SLC10A7: variants seen among roughly 807,000 people sequenced by gnomAD.
SLC10A7 encodes solute carrier family 10 member 7.
In SLC10A7, 29 loss-of-function variants were observed where a neutral mutation model predicts 43.2. That is an observed-to-expected ratio of 0.67 (90% CI 0.50 to 0.92). SLC10A7 has a LOEUF of 0.92. SLC10A7 is among the 40% of genes least tolerant of loss of function. The pLI, the probability that SLC10A7 is intolerant of heterozygous loss-of-function variation, is 0.00. For missense variants in SLC10A7, 295 were observed against 403.2 expected (o/e 0.73, Z 2.30); for synonymous variants, 152 against 144.8 (o/e 1.05, Z -0.35).
intron 5 of SLC10A7, among the ~76,000 whole-genome samples, chr4:146,331,711 T>C (rs1733549215): frequency 6.6e-6 from 1 of 152,176 alleles, no homozygotes; most frequent in South Asian, 2.1e-4. Flanking sequence ...AATGGAAATA[T>C]CATTTTAAAA....
intron 5 of SLC10A7, among the ~76,000 whole-genome samples, chr4:146,424,940 A>T (rs1418121558): frequency 6.6e-6 from 1 of 152,200 alleles, no homozygotes; most frequent in African/African-American, 2.4e-5. Flanking sequence ...TGTCATAATT[A>T]TGTAAATTTT....
intron 3 of SLC10A7, among the ~76,000 whole-genome samples, chr4:146,505,693 G>A (rs1374386921): frequency 1.3e-5 from 2 of 152,100 alleles, no homozygotes; most frequent in Non-Finnish European, 2.9e-5. Context: ...CATTTAATAT[G>A]GTCTTCTTTC....
intron 2 of SLC10A7, chr4:146,514,491 A>T (rs545338540): frequency 6.6e-6 from 1 of 152,348 alleles, no homozygotes; most frequent in South Asian, 2.1e-4. Context: ...AGAAGTTGTC[A>T]TAAAACTGAA....
chr4:146,450,397 T>C (rs1731478972), intron 4 of SLC10A7, among the ~76,000 whole-genome samples: 1 of 152,164 alleles, frequency 6.6e-6, no homozygotes, highest in South Asian at 2.1e-4. Flanking sequence ...ATCAGGGACT[T>C]GAACATCTGT....
intron 5 of SLC10A7, among the ~76,000 whole-genome samples, chr4:146,333,731 A>G (rs1278790825): frequency 6.6e-6 from 1 of 152,096 alleles, no homozygotes; most frequent in Non-Finnish European, 1.5e-5. Context: ...CTTCACTTCA[A>G]AGCAAGAGGA....
chr4:146,316,622 A>T (rs947084026), intron 6 of SLC10A7, among the ~76,000 whole-genome samples: 1 of 152,002 alleles, frequency 6.6e-6, no homozygotes. Context: ...TATTTTTTTT[A>T]CAGTAGCCTG....
At chr4:146,413,598 C>T (rs1448759497) in intron 5 of SLC10A7, among the ~76,000 whole-genome samples, 1 of 152,134 alleles carries the variant, frequency 6.6e-6, no homozygotes, top group Non-Finnish European at 1.5e-5. Flanking sequence ...CACTAAATAA[C>T]TAACCTATAA....
intron 5 of SLC10A7, among the ~76,000 whole-genome samples, chr4:146,361,774 G>T (rs1226298289): frequency 2.0e-5 from 3 of 152,148 alleles, no homozygotes; most frequent in Non-Finnish European, 2.9e-5. Context: ...GAGTGATGGA[G>T]ATATGTGACC....
At chr4:146,288,197 C>T (rs1730162091) in intron 9 of SLC10A7, among the ~76,000 whole-genome samples, 1 of 152,180 alleles carries the variant, frequency 6.6e-6, no homozygotes, top group Non-Finnish European at 1.5e-5. Context: ...AAACAATATT[C>T]CTCCTCAATA....
chr4:146,433,654 T>G (rs371405612), intron 5 of SLC10A7, among the ~76,000 whole-genome samples: 5 of 151,846 alleles, frequency 3.3e-5, no homozygotes, highest in African/African-American at 1.2e-4. Context: ...TCGCTTGAGC[T>G]CAGGAGTTCA....
chr4:146,286,536 T>TGGAGTGGTGAGAAGGACTGTGTC (rs1729968147), intron 9 of SLC10A7, among the ~76,000 whole-genome samples: 6 of 129,756 alleles, frequency 4.6e-5, no homozygotes, highest in Admixed American at 1.5e-4. Flanking sequence ...AGGACTGTGT[T>TGGAGTGGTGAGAAGGACTGTGTC]TGGAGTGGTG....
chr4:146,293,876 C>A (rs994080374), intron 8 of SLC10A7, 54 bp downstream of exon 8: 5 of 1,299,284 alleles, frequency 3.8e-6, no homozygotes, highest in Non-Finnish European at 5.5e-6. Context: ...CAGTGCTACG[C>A]GTTGCTATTG....
At chr4:146,366,281 A>AC (rs1736386058) in intron 5 of SLC10A7, among the ~76,000 whole-genome samples, 1 of 152,200 alleles carries the variant, frequency 6.6e-6, no homozygotes, top group Non-Finnish European at 1.5e-5. Flanking sequence ...GTATTATGTA[A>AC]CCATCCCAGT....
intron 5 of SLC10A7, among the ~76,000 whole-genome samples, chr4:146,398,298 T>A (rs1032775528): frequency 2.6e-5 from 4 of 152,232 alleles, no homozygotes; most frequent in East Asian, 1.9e-4. Context: ...TACACTCGTA[T>A]ATACACACAT....
intron 4 of SLC10A7, among the ~76,000 whole-genome samples, chr4:146,445,446 A>G (rs966567581): frequency 1.3e-5 from 2 of 152,174 alleles, no homozygotes; most frequent in African/African-American, 2.4e-5. Context: ...GACCCGCGGC[A>G]GTGTCCAAGT....
intron 6 of SLC10A7, among the ~76,000 whole-genome samples, chr4:146,316,168 C>T (rs923272215): frequency 6.6e-6 from 1 of 152,032 alleles, no homozygotes; most frequent in South Asian, 2.1e-4. Context: ...GACAGGAACT[C>T]CATGGACTGA....
intron 4 of SLC10A7, among the ~76,000 whole-genome samples, chr4:146,471,896 T>G (rs1388376435): frequency 6.6e-6 from 1 of 152,128 alleles, no homozygotes; most frequent in Non-Finnish European, 1.5e-5. Flanking sequence ...TGACTAAACA[T>G]AAAATGCTTG....
At chr4:146,275,179 G>C (rs961506543) in intron 10 of SLC10A7, among the ~76,000 whole-genome samples, 5 of 152,132 alleles carry the variant, frequency 3.3e-5, no homozygotes, top group Non-Finnish European at 7.4e-5. Context: ...AATCTGTTTT[G>C]TTTTTAAATT....
chr4:146,402,636 G>T (rs1739300926), intron 5 of SLC10A7, among the ~76,000 whole-genome samples: 1 of 152,186 alleles, frequency 6.6e-6, no homozygotes, highest in South Asian at 2.1e-4. Flanking sequence ...AAAGGGGGCA[G>T]GGGGACAGGA....
Sources: gnomAD v4.1 joint callset for allele counts (sites outside exome capture counted in the v4.1 genomes callset) on GRCh38, gnomAD v4.1.1 for gene constraint, MANE v1.5 for transcripts, NCBI Gene and HGNC (gene_info 2026-07-23, HGNC 2026-07-21) for gene names.